Variants in RIC1 observed in about 807,000 individuals in gnomAD.
The protein encoded by RIC1 is RIC1 partner of RAB6A GEF complex, also known as guanine nucleotide exchange factor subunit RIC1.
A neutral mutation model predicts 169.0 loss-of-function variants in RIC1; 88 were observed. That is an observed-to-expected ratio of 0.52 (90% CI 0.44 to 0.62). RIC1 has a LOEUF of 0.62. Among genes scored for constraint, RIC1 ranks in the 20% least tolerant of loss-of-function variants. RIC1 has a pLI of 0.00. For missense variants in RIC1, 1,877 were observed against 1,725.5 expected (o/e 1.09, Z -1.56); for synonymous variants, 790 against 601.5 (o/e 1.31, Z -4.59).
At chr9:5,755,053 T>G (rs953339639) in intron 15 of RIC1, 123 bp downstream of exon 15, 5 of 557,176 alleles carry the variant, frequency 9.0e-6, no homozygotes, top group Non-Finnish European at 1.4e-5. Flanking sequence ...TAATCAAGAA[T>G]GTAGCTTCTT....
At chr9:5,712,891 G>C (rs1823016981) in intron 3 of RIC1, 1 of 152,120 alleles carries the variant, frequency 6.6e-6, no homozygotes, top group Admixed American at 6.6e-5. Context: ...AATTAAGTAA[G>C]TACTCCAGTT....
intron 7 of RIC1, among the ~76,000 whole-genome samples, chr9:5,737,645 C>T (rs1457759721): frequency 6.6e-6 from 1 of 151,468 alleles, no homozygotes; most frequent in Non-Finnish European, 1.5e-5. Context: ...TTGAACAGCC[C>T]AGGGGTTAGA....
intron 7 of RIC1, among the ~76,000 whole-genome samples, chr9:5,733,326 C>T (rs910392905): frequency 3.4e-5 from 5 of 148,370 alleles, no homozygotes; most frequent in African/African-American, 5.0e-5. Flanking sequence ...TGCAGTGGAG[C>T]GATCTCAGCT....
intron 17 of RIC1, among the ~76,000 whole-genome samples, chr9:5,759,196 G>C (rs1025363491): frequency 6.6e-6 from 1 of 152,146 alleles, no homozygotes; most frequent in Non-Finnish European, 1.5e-5. Flanking sequence ...GAAAAAAAGT[G>C]ACAATTTAAA....
At chr9:5,670,527 T>C (rs1019207356) in intron 2 of RIC1, among the ~76,000 whole-genome samples, 1 of 152,216 alleles carries the variant, frequency 6.6e-6, no homozygotes, top group South Asian at 2.1e-4. Flanking sequence ...TATTGTATAT[T>C]ACTGTGCAGT....
chr9:5,652,445 T>G (rs1472297874), intron 1 of RIC1, among the ~76,000 whole-genome samples: 2 of 152,190 alleles, frequency 1.3e-5, no homozygotes, highest in Non-Finnish European at 2.9e-5. Flanking sequence ...TTTTTGTTCT[T>G]TGGGTTTTTT....
At chr9:5,691,333 A>G (rs1315600466) in intron 3 of RIC1, among the ~76,000 whole-genome samples, 1 of 151,966 alleles carries the variant, frequency 6.6e-6, no homozygotes, top group Non-Finnish European at 1.5e-5. Flanking sequence ...GAATGGTAGA[A>G]CTGTAGTGAT....
chr9:5,772,817 CTAA>C (rs1364518806), intron 24 of RIC1, 72 bp from the exon 25 acceptor site: 2 of 1,549,666 alleles, frequency 1.3e-6, no homozygotes, highest in African/African-American at 2.7e-5. Context: ...GGCTACTCTC[CTAA>C]TAATCATTGC....
At chr9:5,663,457 T>C (rs1819574001) in intron 2 of RIC1, among the ~76,000 whole-genome samples, 1 of 152,230 alleles carries the variant, frequency 6.6e-6, no homozygotes, top group South Asian at 2.1e-4. Flanking sequence ...TGTGGGAGTC[T>C]AAGTCTTTTT....
chr9:5,661,629 T>C (rs895148343), intron 2 of RIC1, among the ~76,000 whole-genome samples: 2 of 152,182 alleles, frequency 1.3e-5, no homozygotes, highest in African/African-American at 4.8e-5. Context: ...GATTTGGCTG[T>C]CTGCTTGCCT....
At chr9:5,683,318 G>C (rs1022842506) in intron 2 of RIC1, among the ~76,000 whole-genome samples, 5 of 152,110 alleles carry the variant, frequency 3.3e-5, no homozygotes, top group Admixed American at 1.3e-4. Context: ...GTACAGGTGG[G>C]TTTTTGGTGT....
chr9:5,634,750 CA>C (rs1377133952), intron 1 of RIC1, among the ~76,000 whole-genome samples: 2 of 152,080 alleles, frequency 1.3e-5, no homozygotes, highest in Admixed American at 1.3e-4. Flanking sequence ...TTGCTTTTGT[CA>C]CCTGTGCTTT....
rs1441066806 is a variant in RIC1 at position 5,702,518 on chromosome 9, GT to G, written c.333-11373del. On this transcript the variant is annotated intron_variant, in intron 3 of 25. Transcript: ENST00000414202. ...ACACACTTTTTTTTTGTTTTGTTTT[GT>G]TTTTGTTTTTGTTTTTGTTTTTGTT... Among the ~76,000 whole-genome samples the G allele has an allele frequency of 2.9e-5, 4 of 139,734 alleles. No homozygotes were observed. The East Asian group carries it at 5.9e-4, about 21-fold the overall frequency. The allele number at this position is 139,734 out of a possible 152,430, so 91.7% of individuals were successfully genotyped here. A position where few individuals can be genotyped will look rare whatever the true frequency, so the allele number is the denominator to read the frequency against.
At chr9:5,653,779 G>A (rs540826247) in intron 1 of RIC1, among the ~76,000 whole-genome samples, 1 of 151,930 alleles carries the variant, frequency 6.6e-6, no homozygotes, top group Admixed American at 6.6e-5. Context: ...TGTATTTTTA[G>A]TAGAGATGGG....
downstream of RIC1, among the ~76,000 whole-genome samples, chr9:5,777,025 A>T (rs1041717684): frequency 6.6e-6 from 1 of 152,112 alleles, no homozygotes; most frequent in South Asian, 2.1e-4. Context: ...CTTGGCACCA[A>T]AGCATGTTGT....
chr9:5,707,393 G>A (rs928545674), intron 3 of RIC1, among the ~76,000 whole-genome samples: 9 of 151,928 alleles, frequency 5.9e-5, no homozygotes, highest in African/African-American at 1.9e-4. Flanking sequence ...AGGTCTAAGT[G>A]GTTTATATAG....
chr9:5,745,794 T>C (rs953879827), intron 10 of RIC1, 137 bp from the exon 11 acceptor site: 12 of 686,798 alleles, frequency 1.7e-5, no homozygotes, highest in African/African-American at 1.4e-4. Context: ...GTCTGTGTTA[T>C]CACGGTTTCT....
At position 5,678,463 on chromosome 9, in the gene RIC1, A is replaced by G. The variant is rs1291052735; in HGVS notation, c.253-11496A>G. Among the ~76,000 whole-genome samples the G allele has an allele frequency of 7.9e-5, 12 of 152,022 alleles. No individual in the cohort carries two copies. In the East Asian group the frequency reaches 2.3e-3, roughly 29 times the overall value. On this transcript the variant is annotated intron_variant, in intron 2 of 25. Transcript: ENST00000414202. The stretch of plus-strand genomic sequence containing the variant: ...GGTTGAACTAGTTTACAGTCCCACC[A>G]ACAGTGTAAAACTGTTCCTATTTCT...
At position 5,763,082 on chromosome 9, in the gene RIC1, C is replaced by A; in HGVS notation, c.2113-58C>A. ...GACTTAGTAAACTAGTACCTAGGAA[C>A]TTAAGAACCTGCAGATTTAATAGGA... On this transcript the variant is annotated intron_variant, in intron 18 of 25. Coordinates refer to ENST00000414202, the MANE Select transcript of RIC1 (RefSeq NM_020829.4). This position sits in a 1 kb window ranked among gnomAD's most constrained non-coding sequence, Gnocchi z 5.2. 1 of 1,565,946 alleles carries A rather than the reference C, an allele frequency of 6.4e-7. No homozygotes were observed. Among genetic ancestry groups the A allele is most frequent in the South Asian group, 1.2e-5 (1 of 81,566 alleles).
Sources: gnomAD v4.1 joint callset for allele counts (sites outside exome capture counted in the v4.1 genomes callset) on GRCh38, gnomAD v4.1.1 for gene constraint, Gnocchi (gnomAD v3.1) non-coding constraint, MANE v1.5 for transcripts, NCBI Gene and HGNC (gene_info 2026-07-23, HGNC 2026-07-21) for gene names.